Variants in KCNMA1 observed in about 807,000 individuals in gnomAD.
KCNMA1 encodes potassium calcium-activated channel subfamily M alpha 1.
Under a neutral mutation model 140.0 loss-of-function variants are expected in KCNMA1, and 29 were observed. The observed-to-expected ratio is 0.21, with a 90% confidence interval of 0.15 to 0.28. The LOEUF (loss-of-function observed/expected upper bound fraction) is 0.28. Among genes scored for constraint, KCNMA1 ranks in the 10% least tolerant of loss-of-function variants. The probability of loss-of-function intolerance (pLI) is 1.00; values close to 1 mark genes in which losing one functional copy is unlikely to be tolerated. For missense variants in KCNMA1, 880 were observed against 1,602.2 expected (o/e 0.55, Z 7.70); for synonymous variants, 612 against 611.9 (o/e 1.00, Z 0.00).
chr10:76,914,908 T>C, intron 24 of KCNMA1, 28 bp downstream of exon 24: 1 of 1,489,718 alleles, frequency 6.7e-7, no homozygotes, highest in Non-Finnish European at 9.4e-7. Context: ...GAACAAAAAC[T>C]CCCCCCAAAG....
chr10:77,426,825 G>T (rs2097010402), intron 1 of KCNMA1, among the ~76,000 whole-genome samples: 1 of 152,200 alleles, frequency 6.6e-6, no homozygotes, highest in Non-Finnish European at 1.5e-5. Context: ...CTGCAGCACT[G>T]CTGCATGCCC....
At chr10:77,027,692 G>C in intron 16 of KCNMA1, 131 bp downstream of exon 16, 1 of 811,600 alleles carries the variant, frequency 1.2e-6, no homozygotes, top group Non-Finnish European at 2.2e-6. Flanking sequence ...GTGCTCTAGG[G>C]TCAGAGAGGT....
chr10:77,321,641 C>T (rs1369070301), intron 2 of KCNMA1, among the ~76,000 whole-genome samples: 1 of 152,202 alleles, frequency 6.6e-6, no homozygotes, highest in Non-Finnish European at 1.5e-5. Context: ...AACATGTCCA[C>T]ACCAGATCAG....
At chr10:76,877,690 T>C, downstream of KCNMA1, 2 of 1,528,578 alleles carry the variant, frequency 1.3e-6, no homozygotes, top group Non-Finnish European at 8.9e-7. Context: ...CACATCACCA[T>C]TTATGAAGTT....
chr10:77,585,578 T>C (rs2077059548), intron 1 of KCNMA1, among the ~76,000 whole-genome samples: 1 of 152,196 alleles, frequency 6.6e-6, no homozygotes, highest in African/African-American at 2.4e-5. Context: ...GCTCTGCACT[T>C]TACCCAGCTT....
intron 2 of KCNMA1, among the ~76,000 whole-genome samples, chr10:77,397,189 C>CCG (rs1239648736): frequency 6.6e-6 from 1 of 152,106 alleles, no homozygotes; most frequent in Admixed American, 6.5e-5. Flanking sequence ...TGTAACGCTC[C>CCG]TTTACAAAGA....
At chr10:77,098,688 C>T (rs1392823187) in intron 9 of KCNMA1, among the ~76,000 whole-genome samples, 3 of 152,106 alleles carry the variant, frequency 2.0e-5, no homozygotes, top group African/African-American at 4.8e-5. Flanking sequence ...TTTGGTTTCT[C>T]ACCTAATTCT....
At chr10:76,887,744 TAGAGCCAGTAATGGA>T in intron 27 of KCNMA1, 1 of 566,438 alleles carries the variant, frequency 1.8e-6, no homozygotes, top group Non-Finnish European at 3.1e-6. Context: ...GATGTGGAAT[TAGAGCCAGTAATGGA>T]AGAACCAAAC....
chr10:77,396,374 C>G (rs1466860707), intron 2 of KCNMA1, among the ~76,000 whole-genome samples: 1 of 152,080 alleles, frequency 6.6e-6, no homozygotes, highest in African/African-American at 2.4e-5. Context: ...TGCCACCAGG[C>G]ACCACTGAGA....
chr10:77,086,615 C>A, intron 10 of KCNMA1, 22 bp from the exon 11 acceptor site: 1 of 1,554,874 alleles, frequency 6.4e-7, no homozygotes, highest in Non-Finnish European at 8.9e-7. Context: ...GAGAAGAAAT[C>A]GCTATTAATT....
rs1433063099 is a variant in KCNMA1, at chr10:77,585,041, C to T, written c.378+52224G>A. Among the ~76,000 whole-genome samples, 6 of 152,220 alleles carry T rather than the reference C, an allele frequency of 3.9e-5. No individual in the cohort carries two copies. In the East Asian group the frequency reaches 1.2e-3, roughly 29 times the overall value. On this transcript the variant is annotated intron_variant, in intron 1 of 27. Transcript: ENST00000286628. ...CCTCCCTACCCTTCTCCAAGCTGTCCCTCAAAACCCATTGATCACTTAAGA... is the reference window on the plus strand; with the variant it reads ...CCTCCCTACCCTTCTCCAAGCTGTCTCTCAAAACCCATTGATCACTTAAGA...
chr10:76,916,293 G>A (rs2052871043), intron 23 of KCNMA1, among the ~76,000 whole-genome samples: 1 of 152,102 alleles, frequency 6.6e-6, no homozygotes, highest in South Asian at 2.1e-4. Flanking sequence ...TGCAGTTTGG[G>A]CTTCTTTGGG....
At chr10:77,519,837 A>G (rs2052183161) in intron 1 of KCNMA1, among the ~76,000 whole-genome samples, 1 of 152,196 alleles carries the variant, frequency 6.6e-6, no homozygotes, top group Non-Finnish European at 1.5e-5. Context: ...GCCTTGTTTG[A>G]GGGTATGCAG....
chr10:77,531,724 C>G (rs1432957986), intron 1 of KCNMA1, among the ~76,000 whole-genome samples: 2 of 152,216 alleles, frequency 1.3e-5, no homozygotes, highest in Non-Finnish European at 2.9e-5. Flanking sequence ...GGCTTCCAAC[C>G]TAGCCTGGAA....
At chr10:77,363,758 C>T (rs981011498) in intron 2 of KCNMA1, among the ~76,000 whole-genome samples, 4 of 152,140 alleles carry the variant, frequency 2.6e-5, no homozygotes, top group Non-Finnish European at 5.9e-5. Flanking sequence ...CACTCCTCCC[C>T]GTCTTTGTCC....
At chr10:77,583,814 A>C (rs753362040) in intron 1 of KCNMA1, among the ~76,000 whole-genome samples, 10 of 152,046 alleles carry the variant, frequency 6.6e-5, no homozygotes, top group Non-Finnish European at 1.3e-4. Context: ...AACACACCCA[A>C]CTCCACTTCC....
chr10:76,888,513 C>T (rs2038338343), intron 27 of KCNMA1, among the ~76,000 whole-genome samples: 1 of 152,152 alleles, frequency 6.6e-6, no homozygotes, highest in African/African-American at 2.4e-5. Context: ...ACGCTTGTCT[C>T]TGCAGCACTG....
chr10:77,487,511 C>G (rs921362504), intron 1 of KCNMA1, among the ~76,000 whole-genome samples: 7 of 152,142 alleles, frequency 4.6e-5, no homozygotes, highest in Non-Finnish European at 8.8e-5. Context: ...AGGGATACCC[C>G]CAACAACACT....
At chr10:77,274,119 G>A (rs1478377722) in intron 2 of KCNMA1, among the ~76,000 whole-genome samples, 4 of 152,012 alleles carry the variant, frequency 2.6e-5, no homozygotes. Flanking sequence ...TTTACCATGG[G>A]GATGCAGTTA....
Sources: gnomAD v4.1 joint callset for allele counts (sites outside exome capture counted in the v4.1 genomes callset) on GRCh38, gnomAD v4.1.1 for gene constraint, MANE v1.5 for transcripts, NCBI Gene and HGNC (gene_info 2026-07-23, HGNC 2026-07-21) for gene names.